The following DENND1A variants were observed in gnomAD, a reference collection of about 807,000 sequenced individuals.
DENND1A encodes the protein DENN domain containing 1A, also known as DENN domain-containing protein 1A.
A neutral mutation model predicts 113.7 loss-of-function variants in DENND1A; 51 were observed. The observed-to-expected ratio is 0.45, with a 90% CI of 0.36 to 0.57. DENND1A has a LOEUF of 0.57. Among genes scored for constraint, DENND1A ranks in the 20% least tolerant of loss-of-function variants. DENND1A has a pLI of 0.00. For synonymous variants in DENND1A, 565 were observed against 570.8 expected, an observed-to-expected ratio of 0.99 and a Z score of 0.14; for missense variants, 1,258 against 1,395.9, an observed-to-expected ratio of 0.90 and a Z score of 1.57.
intron 2 of DENND1A, among the ~76,000 whole-genome samples, chr9:123,808,359 G>T (rs1172367539): frequency 2.6e-5 from 4 of 151,030 alleles, no homozygotes; most frequent in Admixed American, 2.0e-4. Context: ...GTTTCAGTAA[G>T]TCTAAAATAG....
At chr9:123,754,405 C>A (rs2070346670) in intron 5 of DENND1A, among the ~76,000 whole-genome samples, 1 of 152,180 alleles carries the variant, frequency 6.6e-6, no homozygotes, top group Non-Finnish European at 1.5e-5. Context: ...TATTTCCACA[C>A]AAGCTGGAAA....
chr9:123,641,461 A>T (rs1481517312), intron 9 of DENND1A, among the ~76,000 whole-genome samples: 3 of 150,438 alleles, frequency 2.0e-5, no homozygotes, highest in Non-Finnish European at 4.4e-5. Context: ...AAAAAGAAAC[A>T]TCACCTGTTT....
chr9:123,907,018 G>T (rs2133973292), intron 1 of DENND1A, among the ~76,000 whole-genome samples: 1 of 150,940 alleles, frequency 6.6e-6, no homozygotes, highest in South Asian at 2.1e-4. Flanking sequence ...CCATGATCAA[G>T]TGGGCTTCAT....
chr9:123,828,771 C>T (rs540193236), intron 2 of DENND1A, among the ~76,000 whole-genome samples: 77 of 151,950 alleles, frequency 5.1e-4, no homozygotes, highest in Non-Finnish European at 1.0e-3. Flanking sequence ...AAAATAAATG[C>T]CAAGCTAGAT....
intron 8 of DENND1A, among the ~76,000 whole-genome samples, chr9:123,657,390 G>A (rs1589546098): frequency 1.3e-5 from 2 of 151,992 alleles, no homozygotes; most frequent in Admixed American, 6.6e-5. Flanking sequence ...CGAAGCAGGT[G>A]GGGGTGGTGG....
chr9:123,466,956 C>CAGGA (rs2049007521), intron 13 of DENND1A, among the ~76,000 whole-genome samples: 1 of 151,724 alleles, frequency 6.6e-6, no homozygotes, highest in African/African-American at 2.4e-5. Context: ...GACGCTGAGG[C>CAGGA]AGGAAGAAGT....
chr9:123,920,469 G>T (rs1011455361), intron 1 of DENND1A, among the ~76,000 whole-genome samples: 1 of 152,190 alleles, frequency 6.6e-6, no homozygotes, highest in African/African-American at 2.4e-5. Flanking sequence ...CTGAAAAGTA[G>T]TACCAGTTAA....
At chr9:123,648,050 ATTTTTTG>A (rs2062434458) in intron 9 of DENND1A, among the ~76,000 whole-genome samples, 1 of 152,052 alleles carries the variant, frequency 6.6e-6, no homozygotes, top group African/African-American at 2.4e-5. Context: ...CAGCCACGAA[ATTTTTTG>A]TAAACCTAGT....
At chr9:123,531,098 A>G (rs2055258613) in intron 13 of DENND1A, among the ~76,000 whole-genome samples, 1 of 152,174 alleles carries the variant, frequency 6.6e-6, no homozygotes, top group Non-Finnish European at 1.5e-5. Flanking sequence ...TGATTTCCAT[A>G]TATGTGGGTC....
intron 19 of DENND1A, among the ~76,000 whole-genome samples, chr9:123,420,981 G>A (rs965883950): frequency 5.3e-5 from 8 of 151,058 alleles, no homozygotes; most frequent in African/African-American, 9.8e-5. Flanking sequence ...CACCAGATGC[G>A]GCTGGTGCCT....
intron 5 of DENND1A, among the ~76,000 whole-genome samples, chr9:123,677,746 T>C (rs1018424753): frequency 4.6e-5 from 7 of 152,144 alleles, no homozygotes; most frequent in Admixed American, 2.6e-4. Flanking sequence ...TTAGAATGGT[T>C]TTTCTAAAAT....
At chr9:123,677,565 C>G (rs560364355) in intron 5 of DENND1A, among the ~76,000 whole-genome samples, 5 of 152,178 alleles carry the variant, frequency 3.3e-5, no homozygotes, top group Non-Finnish European at 7.3e-5. Context: ...TTCTGAGTAG[C>G]TGGGACTACA....
At chr9:123,705,282 A>G (rs1250058193) in intron 5 of DENND1A, among the ~76,000 whole-genome samples, 1 of 152,206 alleles carries the variant, frequency 6.6e-6, no homozygotes, top group African/African-American at 2.4e-5. Context: ...ATGAAGAACA[A>G]TAAGAGTATA....
chr9:123,859,408 T>C (rs1844740222), intron 2 of DENND1A, among the ~76,000 whole-genome samples: 1 of 151,280 alleles, frequency 6.6e-6, no homozygotes, highest in Non-Finnish European at 1.5e-5. Context: ...ATTTCATTAT[T>C]TTGCCATCTA....
chr9:123,471,604 C>T (rs1265175666), intron 13 of DENND1A, among the ~76,000 whole-genome samples: 3 of 152,104 alleles, frequency 2.0e-5, no homozygotes, highest in Admixed American at 6.6e-5. Flanking sequence ...GCTGGGACGC[C>T]GCAGGACATG....
chr9:123,532,793 T>C (rs543247145), intron 13 of DENND1A, among the ~76,000 whole-genome samples: 2 of 152,316 alleles, frequency 1.3e-5, no homozygotes, highest in African/African-American at 4.8e-5. Flanking sequence ...TAGCCCAAAG[T>C]ATAGGAAGTA....
chr9:123,388,007 C>T (rs1338805818), intron 21 of DENND1A, 149 bp from the exon 22 acceptor site: 2 of 777,892 alleles, frequency 2.6e-6, no homozygotes, highest in African/African-American at 1.8e-5. Context: ...GGAGAGGAAG[C>T]TCGTTCCAGA....
intron 19 of DENND1A, chr9:123,414,060 T>C: frequency 1.0e-6 from 1 of 993,320 alleles, no homozygotes; most frequent in Non-Finnish European, 1.2e-6. Flanking sequence ...GCTATTTCCA[T>C]TCCTGCTGGG....
At chr9:123,801,765 C>CATTAAGACCA (rs1201216517) in intron 2 of DENND1A, among the ~76,000 whole-genome samples, 2 of 152,194 alleles carry the variant, frequency 1.3e-5, no homozygotes, top group African/African-American at 2.4e-5. Flanking sequence ...TTAGTGCAGA[C>CATTAAGACCA]ATTAAGACCA....
Sources: allele counts gnomAD v4.1 joint callset (sites outside exome capture counted in the v4.1 genomes callset), GRCh38; gene constraint gnomAD v4.1.1; transcripts MANE v1.5; gene names NCBI Gene and HGNC (gene_info 2026-07-23, HGNC 2026-07-21).